Variants in HOMER1 observed in about 807,000 individuals in gnomAD.
The protein encoded by HOMER1 is homer protein homolog 1.
Under a neutral mutation model 48.9 loss-of-function variants are expected in HOMER1, and 3 were observed. That is an observed-to-expected ratio of 0.06 (90% CI 0.03 to 0.16). The LOEUF is 0.16. Ranked by LOEUF, HOMER1 falls within the 10% of genes least tolerant of loss-of-function variation. HOMER1 has a pLI of 1.00. For missense variants in HOMER1, 247 were observed against 411.4 expected (o/e 0.60, Z 3.46); for synonymous variants, 134 against 146.4 (o/e 0.92, Z 0.61).
chr5:79,502,840 G>T (rs372202627), intron 1 of HOMER1, among the ~76,000 whole-genome samples: 10 of 152,164 alleles, frequency 6.6e-5, no homozygotes, highest in Non-Finnish European at 1.5e-4. Flanking sequence ...GCCCAGGCTG[G>T]AGTGCAGTGG....
intron 5 of HOMER1, among the ~76,000 whole-genome samples, chr5:79,412,647 T>A (rs1324354506): frequency 1.3e-5 from 2 of 152,200 alleles, no homozygotes; most frequent in African/African-American, 4.8e-5. Context: ...CCTAACTAAC[T>A]ATGGTCCCCT....
chr5:79,397,766 TA>T, intron 6 of HOMER1, 129 bp from the exon 7 acceptor site: 8 of 512,718 alleles, frequency 1.6e-5, no homozygotes, highest in Middle Eastern at 5.1e-4. Context: ...TGAGAAATAT[TA>T]AGACACTCAA....
At chr5:79,417,311 G>T (rs1218759421) in intron 5 of HOMER1, among the ~76,000 whole-genome samples, 3 of 151,986 alleles carry the variant, frequency 2.0e-5, no homozygotes, top group Non-Finnish European at 4.4e-5. Flanking sequence ...TCCGGCTAAT[G>T]TTTTGTATTT....
chr5:79,482,396 T>G (rs959130730), intron 1 of HOMER1, among the ~76,000 whole-genome samples: 7 of 151,870 alleles, frequency 4.6e-5, no homozygotes, highest in African/African-American at 1.7e-4. Flanking sequence ...ATTAAGATAG[T>G]TATTAAAACT....
At chr5:79,422,278 TAC>T (rs1022602283) in intron 5 of HOMER1, among the ~76,000 whole-genome samples, 14 of 151,844 alleles carry the variant, frequency 9.2e-5, no homozygotes, top group East Asian at 7.7e-4. Flanking sequence ...TTAACTGAAA[TAC>T]ACAGTTATTT....
intron 5 of HOMER1, among the ~76,000 whole-genome samples, chr5:79,424,592 A>G (rs1303602002): frequency 6.6e-6 from 1 of 152,044 alleles, no homozygotes; most frequent in Non-Finnish European, 1.5e-5. Flanking sequence ...TCTTAGGAAC[A>G]TTTAAAATTT....
intron 8 of HOMER1, among the ~76,000 whole-genome samples, chr5:79,385,615 G>A (rs188044487): frequency 7.4e-4 from 112 of 152,192 alleles, no homozygotes; most frequent in African/African-American, 2.6e-3. Flanking sequence ...ACTGAGGCAG[G>A]TGGATCACCT....
intron 2 of HOMER1, among the ~76,000 whole-genome samples, chr5:79,455,496 C>A (rs1446129473): frequency 6.6e-6 from 1 of 152,192 alleles, no homozygotes; most frequent in East Asian, 1.9e-4. Context: ...TGAAGACGTA[C>A]CTTCTGCCAC....
At chr5:79,455,435 A>G (rs1751146198) in intron 2 of HOMER1, among the ~76,000 whole-genome samples, 1 of 152,048 alleles carries the variant, frequency 6.6e-6, no homozygotes, top group South Asian at 2.1e-4. Flanking sequence ...ATGGTTTTAT[A>G]CGCATCTGGC....
chr5:79,443,944 C>G (rs1752651469), intron 4 of HOMER1, among the ~76,000 whole-genome samples: 1 of 152,172 alleles, frequency 6.6e-6, no homozygotes, highest in Non-Finnish European at 1.5e-5. Flanking sequence ...TATTACATGG[C>G]AACAGAAAAG....
intron 5 of HOMER1, among the ~76,000 whole-genome samples, chr5:79,418,921 C>T (rs945178567): frequency 6.6e-6 from 1 of 152,076 alleles, no homozygotes; most frequent in African/African-American, 2.4e-5. Flanking sequence ...TACTTTTAAA[C>T]TAGTTTAGAA....
At chr5:79,395,081 CT>C (rs1198898126) in intron 8 of HOMER1, among the ~76,000 whole-genome samples, 3 of 152,196 alleles carry the variant, frequency 2.0e-5, no homozygotes, top group Non-Finnish European at 4.4e-5. Flanking sequence ...GGCCTCATTA[CT>C]TTCTAGCTAA....
chr5:79,433,978 A>C (rs1750500079), intron 5 of HOMER1, among the ~76,000 whole-genome samples: 1 of 152,216 alleles, frequency 6.6e-6, no homozygotes, highest in African/African-American at 2.4e-5. Flanking sequence ...CAATATCCCC[A>C]AAAATACATA....
At chr5:79,497,775 G>C (rs1752468968) in intron 1 of HOMER1, among the ~76,000 whole-genome samples, 1 of 152,002 alleles carries the variant, frequency 6.6e-6, no homozygotes, top group Non-Finnish European at 1.5e-5. Flanking sequence ...CATGCTTCAG[G>C]AGTCACTGAA....
Position 79,411,454 on chromosome 5 carries a change from C to T in HOMER1, c.528-9399G>A, listed in dbSNP as rs180820614. On this transcript the variant is annotated intron_variant, in intron 5 of 8. Transcript: ENST00000334082. ...GAGTCAAGATGGCACCACTGCACTC[C>T]AGCCTGGGTGACAAAGGGAGACCCT... Among the ~76,000 whole-genome samples the T allele has an allele frequency of 1.6e-3, 251 of 152,214 alleles. 1 individual carries two copies. Among genetic ancestry groups the T allele is most frequent in the African/African-American group, 5.9e-3 (243 of 41,510 alleles).
At position 79,486,905 on chromosome 5, in the gene HOMER1, G is replaced by C. The variant is rs141651796; in HGVS notation, c.5+25865C>G. Among the ~76,000 whole-genome samples, 152 of 152,310 alleles carry C rather than the reference G, an allele frequency of 1.0e-3. 1 individual carries two copies. The highest frequency in any genetic ancestry group is 3.3e-3 in the African/African-American group (136 of 41,562). On this transcript the variant is annotated intron_variant, in intron 1 of 8. Coordinates refer to ENST00000334082, the MANE Select transcript of HOMER1 (RefSeq NM_004272.5). ...ATCATTCTCGCTGCATACAGAGAAC[G>C]TATCAGAAGGCAATAACATTTGACA...
intron 5 of HOMER1, among the ~76,000 whole-genome samples, chr5:79,432,542 G>A (rs1750454001): frequency 2.0e-5 from 3 of 152,072 alleles, no homozygotes; most frequent in Admixed American, 2.0e-4. Flanking sequence ...ATAAAGAATA[G>A]TTTTTTTCTT....
chr5:79,430,874 T>C (rs1392772886), intron 5 of HOMER1, among the ~76,000 whole-genome samples: 2 of 151,398 alleles, frequency 1.3e-5, no homozygotes, highest in East Asian at 3.9e-4. Flanking sequence ...GAGGCGGAGG[T>C]TGCAATGAGC....
intron 5 of HOMER1, among the ~76,000 whole-genome samples, chr5:79,419,206 C>T (rs181123267): frequency 1.3e-5 from 2 of 152,006 alleles, no homozygotes; most frequent in Admixed American, 1.3e-4. Context: ...CATGCTTTGC[C>T]TATATTTATA....
Sources: gnomAD v4.1 joint callset for allele counts (sites outside exome capture counted in the v4.1 genomes callset) on GRCh38, gnomAD v4.1.1 for gene constraint, MANE v1.5 for transcripts, NCBI Gene and HGNC (gene_info 2026-07-23, HGNC 2026-07-21) for gene names.